Variants in KIF26A observed in about 807,000 individuals in gnomAD.
KIF26A encodes kinesin-like protein KIF26A.
Under a neutral mutation model 126.0 loss-of-function variants are expected in KIF26A, and 74 were observed. That is an observed-to-expected ratio of 0.59 (90% CI 0.49 to 0.71). The LOEUF (loss-of-function observed/expected upper bound fraction) is 0.71. Ranked by LOEUF, KIF26A falls within the 30% of genes least tolerant of loss-of-function variation. The probability of loss-of-function intolerance (pLI) is 0.00; values close to 1 mark genes in which losing one functional copy is unlikely to be tolerated. For missense variants in KIF26A, 2,984 were observed against 2,763.3 expected (o/e 1.08, Z -1.79); for synonymous variants, 1,445 against 1,232.7 (o/e 1.17, Z -3.61).
At chr14:104,170,635 C>T (rs1019775548) in intron 5 of KIF26A, among the ~76,000 whole-genome samples, 1 of 152,266 alleles carries the variant, frequency 6.6e-6, no homozygotes, top group African/African-American at 2.4e-5. Context: ...GGAAATGGGG[C>T]CTGTCTCTGG....
chr14:104,157,713 C>T (rs768252147), intron 3 of KIF26A, 42 bp from the exon 4 acceptor site: 4 of 1,583,560 alleles, frequency 2.5e-6, no homozygotes, highest in Non-Finnish European at 2.6e-6. Flanking sequence ...AGTGGTGTCT[C>T]TGCCCTTGCG....
intron 7 of KIF26A, 57 bp downstream of exon 7, chr14:104,172,725 A>G: frequency 7.5e-7 from 1 of 1,336,526 alleles, no homozygotes; most frequent in Non-Finnish European, 1.0e-6. Context: ...TCCCATCCTC[A>G]TCACGGTGGT....
At chr14:104,164,810 T>C (rs2037867654) in intron 4 of KIF26A, among the ~76,000 whole-genome samples, 1 of 151,890 alleles carries the variant, frequency 6.6e-6, no homozygotes, top group Non-Finnish European at 1.5e-5. Flanking sequence ...TCTTTCTCTG[T>C]GTATCCTTGT....
rs1191444359 is a variant in KIF26A, at chr14:104,177,907, A to G, written c.5110+9A>G. The stretch of plus-strand genomic sequence containing the variant: ...CAAGAAGAGGGCCACAGGTGGGTGC[A>G]GAGGTGCACAGCCCTCTACAGTTTA... On this transcript the variant is annotated intron_variant, in intron 12 of 14. Coordinates refer to ENST00000423312, the MANE Select transcript of KIF26A (RefSeq NM_015656.2). 5 of 1,509,752 alleles carry G rather than the reference A, an allele frequency of 3.3e-6. No homozygotes were observed. The highest frequency in any genetic ancestry group is 4.4e-6 in the Non-Finnish European group (5 of 1,137,572). 93.5% of individuals were successfully genotyped at this position (1,509,752 alleles called of 1,614,324 possible).
intron 4 of KIF26A, among the ~76,000 whole-genome samples, chr14:104,160,768 G>A (rs1037900051): frequency 7.2e-5 from 11 of 152,210 alleles, no homozygotes; most frequent in Admixed American, 3.9e-4. Context: ...AGGTACTTCC[G>A]TCATCATACT....
chr14:104,174,956 C>T lies in KIF26A; in HGVS notation c.2194-26C>T, dbSNP rs781049280. On this transcript the variant is annotated intron_variant, in intron 11 of 14. Transcript: ENST00000423312. ...GGGGGCGTGTAGGGGAGACTGGGCT[C>T]GGCAGCTCCACTTTTCTTCCCCCAG... 7.6e-5 allele frequency: 113 copies of T among 1,496,652 alleles called. 1 individual carries two copies. In the East Asian group the frequency reaches 1.9e-3, roughly 25 times the overall value. 92.7% of individuals were successfully genotyped at this position (1,496,652 alleles called of 1,614,324 possible).
At position 104,177,749 on chromosome 14, in the gene KIF26A, G is replaced by A. The variant is rs762254350; in HGVS notation, c.4961G>A (p.Ser1654Asn). 1.9e-6 allele frequency: 3 copies of A among 1,545,130 alleles called. No homozygotes were observed. Among genetic ancestry groups the A allele is most frequent in the South Asian group, 1.2e-5 (1 of 84,630 alleles). The change falls in exon 12 of 15, where the codon AGC becomes AAC. Residue 1654 changes from serine to asparagine, a missense_variant. By Grantham distance (46) the Ser-to-Asn change is conservative. Transcript: ENST00000423312. ...AMGRTALFHH[S>N]GGSSGYESLR... The stretch of plus-strand genomic sequence containing the variant: ...GGCCGCACCGCCCTTTTCCACCACA[G>A]CGGTGGCAGCAGTGGCTATGAGAGC...
At chr14:104,153,751 G>C (rs2037752209) in intron 3 of KIF26A, among the ~76,000 whole-genome samples, 1 of 152,254 alleles carries the variant, frequency 6.6e-6, no homozygotes. Flanking sequence ...AAGCATCAGG[G>C]GCTGGGCCTG....
chr14:104,175,703 G>A lies in KIF26A; in HGVS notation c.2915G>A (p.Gly972Asp), dbSNP rs1350033854. ...CRAPEEPGGG[G>D]TDGVARTPPV... ...GCCCCAGAAGAGCCTGGGGGAGGGG[G>A]CACTGATGGAGTGGCACGGACCCCT... The change falls in exon 12 of 15, where the codon GGC becomes GAC. Residue 972 changes from glycine to aspartate, a missense_variant. Physicochemically the swap from Gly to Asp is moderately conservative, Grantham distance 94. Coordinates refer to ENST00000423312, the MANE Select transcript of KIF26A (RefSeq NM_015656.2). 6.3e-7 allele frequency: 1 copy of A among 1,597,532 alleles called. No individual in the cohort carries two copies. Among genetic ancestry groups the A allele is most frequent in the East Asian group, 2.3e-5 (1 of 44,262 alleles).
At chr14:104,168,701 G>A (rs1030503708) in intron 5 of KIF26A, among the ~76,000 whole-genome samples, 1 of 152,214 alleles carries the variant, frequency 6.6e-6, no homozygotes, top group African/African-American at 2.4e-5. Flanking sequence ...ACTGGTTTCC[G>A]TTTGTGGTAA....
At chr14:104,144,015 G>C (rs1205487205) in intron 2 of KIF26A, among the ~76,000 whole-genome samples, 1 of 152,232 alleles carries the variant, frequency 6.6e-6, no homozygotes, top group Non-Finnish European at 1.5e-5. Flanking sequence ...GGGAAGGGCC[G>C]GGAGGGAGGA....
Position 104,173,421 on chromosome 14 carries a change from C to A in KIF26A, c.1775C>A (p.Ala592Glu). 6.3e-7 allele frequency: 1 copy of A among 1,582,994 alleles called. No homozygotes were observed. Among genetic ancestry groups the A allele is most frequent in the African/African-American group, 1.3e-5 (1 of 74,254 alleles). The change falls in exon 9 of 15, where the codon GCG (alanine) becomes GAG (glutamate). Residue 592 changes from alanine (A) to glutamate (E), a missense_variant. Coordinates refer to ENST00000423312, the MANE Select transcript of KIF26A (RefSeq NM_015656.2). ...AALAARSTSR[A>E]GCGEDARRSS... ...CTGGCGGCCCGCAGCACCAGCCGAG[C>A]GGGCTGTGGCGAGGACGCCCGACGC...
At chr14:104,171,631 C>A in intron 5 of KIF26A, 92 bp from the exon 6 acceptor site, 2 of 1,124,416 alleles carry the variant, frequency 1.8e-6, no homozygotes, top group Non-Finnish European at 2.5e-6. Context: ...GCCTGGCCCG[C>A]TGTCCCCACC....
intron 4 of KIF26A, among the ~76,000 whole-genome samples, chr14:104,162,325 C>T (rs1261895723): frequency 1.3e-5 from 2 of 152,212 alleles, no homozygotes; most frequent in African/African-American, 4.8e-5. Flanking sequence ...GATGGAACCA[C>T]AGAGGACGCC....
intron 4 of KIF26A, among the ~76,000 whole-genome samples, chr14:104,166,082 C>T (rs908379822): frequency 1.6e-4 from 24 of 152,070 alleles, no homozygotes; most frequent in Non-Finnish European, 2.9e-4. Flanking sequence ...CAAGGCTGAG[C>T]CTCAGGGTGG....
chr14:104,155,447 C>T (rs990923060), intron 3 of KIF26A, among the ~76,000 whole-genome samples: 5 of 151,602 alleles, frequency 3.3e-5, no homozygotes, highest in Middle Eastern at 3.2e-3. Context: ...CTTGGCTCTG[C>T]GCCCCTCGGC....
rs2037607391 is a variant in KIF26A, at chr14:104,138,734, C to T, written c.12C>T (p.Arg4=). Residue 4 remains arginine, a synonymous_variant, in exon 1 of 15, where the codon CGC becomes CGT. Transcript: ENST00000423312. Reference sequence around the variant, plus strand: ...CCCGCGCCCCGGCCATGGTCGGCCGCGGCGTCCCTCTGTGCGCTGCGCAGC... The same window carrying T: ...CCCGCGCCCCGGCCATGGTCGGCCGTGGCGTCCCTCTGTGCGCTGCGCAGC... MVG[R]GVPLCAAQPA... is the part of the protein sequence containing the mutation. 1 of 1,267,942 alleles carries T rather than the reference C, an allele frequency of 7.9e-7. No homozygotes were observed. The highest frequency in any genetic ancestry group is 2.7e-5 in the South Asian group (1 of 36,618). 78.5% of individuals were successfully genotyped at this position (1,267,942 alleles called of 1,614,324 possible).
rs377399970 is a variant in KIF26A, at chr14:104,179,406, G to A, written c.5467+20G>A. 296 of 1,483,578 alleles carry A rather than the reference G, an allele frequency of 2.0e-4. 1 individual carries two copies. The highest frequency in any genetic ancestry group is 4.1e-4 in the Admixed American group (18 of 43,904). The allele number at this position is 1,483,578 out of a possible 1,614,324, so 91.9% of individuals were successfully genotyped here. On this transcript the variant is annotated intron_variant, in intron 14 of 14. Transcript: ENST00000423312. Reference sequence around the variant, plus strand: ...AGCAGTGTGAGTCCCGCCCGCCCACGGACCCAGCCCGGCCCACCGTGTGCC... The same window carrying A: ...AGCAGTGTGAGTCCCGCCCGCCCACAGACCCAGCCCGGCCCACCGTGTGCC...
Position 104,151,154 on chromosome 14 carries a change from C to G in KIF26A, c.289-861C>G, listed in dbSNP as rs552597295. ...CTCTGTGGCTTGTCTCCTTCTTGCT[C>G]CTCCTCCTCTTCCTGGAAGATGTCA... is the stretch of plus-strand genomic sequence containing the variant. On this transcript the variant is annotated intron_variant, in intron 2 of 14. Transcript: ENST00000423312. This position sits in a 1 kb window ranked among gnomAD's most constrained non-coding sequence, Gnocchi z 4.9. Among the ~76,000 whole-genome samples, 1 of 152,302 alleles carries G rather than the reference C, an allele frequency of 6.6e-6. No individual in the cohort carries two copies. Among genetic ancestry groups the G allele is most frequent in the East Asian group, 1.9e-4 (1 of 5,184 alleles).
Sources: gnomAD v4.1 joint callset for allele counts (sites outside exome capture counted in the v4.1 genomes callset) on GRCh38, gnomAD v4.1.1 for gene constraint, Gnocchi (gnomAD v3.1) non-coding constraint, MANE v1.5 for transcripts, NCBI Gene and HGNC (gene_info 2026-07-23, HGNC 2026-07-21) for gene names.